The following GNB5 variants were observed in gnomAD, a reference collection of about 807,000 sequenced individuals.
GNB5 encodes guanine nucleotide-binding protein subunit beta-5.
GNB5 carries 37 observed loss-of-function variants against 55.3 expected under a neutral mutation model. That is an observed-to-expected ratio of 0.67 (90% CI 0.51 to 0.88). The LOEUF is 0.88. Among genes scored for constraint, GNB5 ranks in the 40% least tolerant of loss-of-function variants. The probability of loss-of-function intolerance (pLI) is 0.00; values close to 1 mark genes in which losing one functional copy is unlikely to be tolerated. For synonymous variants in GNB5, 219 were observed against 198.5 expected, an observed-to-expected ratio of 1.10 and a Z score of -0.87; for missense variants, 476 against 515.3, an observed-to-expected ratio of 0.92 and a Z score of 0.74.
At chr15:52,155,744 A>AC (rs1005607350) in intron 3 of GNB5, among the ~76,000 whole-genome samples, 9 of 150,954 alleles carry the variant, frequency 6.0e-5, no homozygotes, top group African/African-American at 2.2e-4. Flanking sequence ...TGGCAGGGAC[A>AC]CAGAGATGGG....
At chr15:52,179,192 G>C (rs542773743) in intron 3 of GNB5, among the ~76,000 whole-genome samples, 1 of 152,110 alleles carries the variant, frequency 6.6e-6, no homozygotes, top group Non-Finnish European at 1.5e-5. Context: ...CGAACTGAAC[G>C]GTTGAATTTA....
chr15:52,135,447 C>T (rs1878692629), intron 8 of GNB5, among the ~76,000 whole-genome samples, 166 bp downstream of exon 8: 2 of 152,138 alleles, frequency 1.3e-5, no homozygotes, highest in South Asian at 4.1e-4. Flanking sequence ...GGCCTGGAGC[C>T]AGTGCGGTCA....
intron 9 of GNB5, 27 bp from the exon 10 acceptor site, chr15:52,128,271 G>T: frequency 6.5e-7 from 1 of 1,529,072 alleles, no homozygotes; most frequent in Non-Finnish European, 9.1e-7. Context: ...CTTTATCTAC[G>T]GTTGTGACTC....
At chr15:52,155,055 G>A (rs575674708) in intron 3 of GNB5, among the ~76,000 whole-genome samples, 17 of 152,332 alleles carry the variant, frequency 1.1e-4, no homozygotes, top group African/African-American at 3.6e-4. Flanking sequence ...GGACGCCAAG[G>A]TCTGCAGGGA....
At chr15:52,174,359 A>T (rs2034608276) in intron 3 of GNB5, among the ~76,000 whole-genome samples, 1 of 152,222 alleles carries the variant, frequency 6.6e-6, no homozygotes, top group Non-Finnish European at 1.5e-5. Flanking sequence ...TGATTCTAAA[A>T]TGCCTTGGAA....
At chr15:52,182,709 G>A (rs980733804) in intron 2 of GNB5, among the ~76,000 whole-genome samples, 4 of 152,208 alleles carry the variant, frequency 2.6e-5, no homozygotes. Flanking sequence ...TGAAAGGCCA[G>A]CTGTCAGTCA....
At chr15:52,159,764 C>T (rs1428360618) in intron 3 of GNB5, among the ~76,000 whole-genome samples, 1 of 152,164 alleles carries the variant, frequency 6.6e-6, no homozygotes, top group Admixed American at 6.5e-5. Flanking sequence ...GACAGGTCAG[C>T]ACCCAGGTAA....
intron 4 of GNB5, among the ~76,000 whole-genome samples, chr15:52,153,398 G>A (rs551406040): frequency 6.6e-6 from 1 of 152,280 alleles, no homozygotes; most frequent in South Asian, 2.1e-4. Context: ...ACCCAATGGA[G>A]CCACTCCCAG....
chr15:52,184,720 G>T, intron 1 of GNB5, 26 bp from the exon 2 acceptor site: 1 of 1,595,460 alleles, frequency 6.3e-7, no homozygotes, highest in Non-Finnish European at 8.6e-7. Flanking sequence ...AAGAAGGGAG[G>T]GGGTGTGAGA....
chr15:52,142,793 G>A (rs1436568739), intron 6 of GNB5, among the ~76,000 whole-genome samples: 1 of 150,534 alleles, frequency 6.6e-6, no homozygotes, highest in Non-Finnish European at 1.5e-5. Flanking sequence ...CAGCTGCTTG[G>A]GAGGTACACA....
Position 52,153,936 on chromosome 15 carries a change from A to G in GNB5, c.375+4T>C. ...TCACCTGTTATGCAGCAGGTGTGAC[A>G]TACCTGTGACGAGCTCACGATCCTC... On this transcript the variant is annotated splice_donor_region_variant and intron_variant, in intron 4 of 12. Coordinates refer to ENST00000261837, the MANE Select transcript of GNB5 (RefSeq NM_016194.4). 1.2e-6 allele frequency: 2 copies of G among 1,610,708 alleles called. No individual in the cohort carries two copies. The highest frequency in any genetic ancestry group is 1.7e-6 in the Non-Finnish European group (2 of 1,177,548).
In GNB5 at chr15:52,118,266, C is replaced by G. The variant is rs2033183206; in HGVS notation, c.*4491G>C. ...AAAAGGGCTCATTAGCCCAGATCAG[C>G]TGTTCTCAAAGCAAGATCCAGGGCC... On this transcript the variant is annotated 3_prime_UTR_variant, in exon 13 of 13. Transcript: ENST00000261837. The G allele has an allele frequency of 6.6e-6, 1 of 152,210 alleles. No homozygotes were observed. Among genetic ancestry groups the G allele is most frequent in the Non-Finnish European group, 1.5e-5 (1 of 68,052 alleles). The allele number at this position is 152,210 out of a possible 1,614,324, so 9.4% of individuals were successfully genotyped here. A position where few individuals can be genotyped will look rare whatever the true frequency, so the allele number is the denominator to read the frequency against.
At chr15:52,185,753 T>TTTTATTA (rs1555409559) in intron 1 of GNB5, among the ~76,000 whole-genome samples, 2 of 136,724 alleles carry the variant, frequency 1.5e-5, no homozygotes, top group African/African-American at 5.4e-5. Context: ...TATTCATCTT[T>TTTTATTA]TTATTATTAT....
intron 3 of GNB5, among the ~76,000 whole-genome samples, chr15:52,169,547 A>AAG (rs1310534054): frequency 6.7e-6 from 1 of 149,702 alleles, no homozygotes; most frequent in East Asian, 1.9e-4. Context: ...TCAAAAAAAA[A>AAG]AAAAAAAAAA....
intron 3 of GNB5, among the ~76,000 whole-genome samples, chr15:52,159,471 C>G (rs1380587565): frequency 6.6e-6 from 1 of 152,182 alleles, no homozygotes; most frequent in African/African-American, 2.4e-5. Flanking sequence ...TGGATGTTCT[C>G]CTTCCCATGT....
intron 9 of GNB5, among the ~76,000 whole-genome samples, chr15:52,131,950 C>G (rs1163970627): frequency 1.3e-5 from 2 of 152,194 alleles, no homozygotes; most frequent in Non-Finnish European, 2.9e-5. Context: ...CATCTCAAAC[C>G]TAATTAGCCC....
intron 4 of GNB5, among the ~76,000 whole-genome samples, chr15:52,152,347 A>C (rs79725599): frequency 1.1e-3 from 169 of 151,968 alleles, no homozygotes; most frequent in Non-Finnish European, 1.7e-3. Flanking sequence ...AGAAAAAAAA[A>C]CAGTCTCGCC....
chr15:52,147,711 T>A (rs1200748238), intron 5 of GNB5, among the ~76,000 whole-genome samples, 176 bp from the exon 6 acceptor site: 1 of 152,200 alleles, frequency 6.6e-6, no homozygotes, highest in South Asian at 2.1e-4. Flanking sequence ...CTCAGCTTCC[T>A]AACTGGGATT....
chr15:52,172,183 G>A (rs1566948148), intron 3 of GNB5, among the ~76,000 whole-genome samples: 1 of 152,084 alleles, frequency 6.6e-6, no homozygotes, highest in Non-Finnish European at 1.5e-5. Flanking sequence ...ACACAGGCTT[G>A]AGTGCAGTGG....
Sources: gnomAD v4.1 joint callset for allele counts (sites outside exome capture counted in the v4.1 genomes callset) on GRCh38, gnomAD v4.1.1 for gene constraint, MANE v1.5 for transcripts, NCBI Gene and HGNC (gene_info 2026-07-23, HGNC 2026-07-21) for gene names.